Variants in RNPEPL1 observed in about 807,000 individuals in gnomAD.
The protein encoded by RNPEPL1 is aminopeptidase RNPEPL1.
RNPEPL1 carries 46 observed loss-of-function variants against 69.0 expected under a neutral mutation model. The ratio of observed to expected loss-of-function variants is 0.67; its 90% CI spans 0.53 to 0.85. The LOEUF is 0.85. Ranked by LOEUF, RNPEPL1 falls within the 40% of genes least tolerant of loss-of-function variation. The pLI is 0.00. For synonymous variants in RNPEPL1, 525 were observed against 454.1 expected, an observed-to-expected ratio of 1.16 and a Z score of -1.98; for missense variants, 869 against 992.5, an observed-to-expected ratio of 0.88 and a Z score of 1.67.
rs574682303 is a variant in RNPEPL1 at position 240,573,877 on chromosome 2, C to A, written c.924C>A (p.Pro308=). 2.5e-6 allele frequency: 4 copies of A among 1,574,302 alleles called. No homozygotes were observed. Among genetic ancestry groups the A allele is most frequent in the African/African-American group, 2.7e-5 (2 of 74,004 alleles). ...WLSAAERLYG[P]YMWGRYDIVF... The stretch of plus-strand genomic sequence containing the variant: ...GTGCAGCTGAGCGGCTGTATGGGCC[C>A]TACATGTGGGGCAGGTAGGCCCCGG... Residue 308 remains proline, a synonymous_variant, in exon 4 of 11, where the codon CCC becomes CCA. Transcript: ENST00000270357.
chr2:240,572,605 C>T lies in RNPEPL1; in HGVS notation c.669+42C>T, dbSNP rs766862579. Reference sequence around the variant, plus strand: ...TGCCGTCACCTTGCTCCCAGGACAGCCCAGTGGCCTGGCCACGCCGCCTCC... The same window carrying T: ...TGCCGTCACCTTGCTCCCAGGACAGTCCAGTGGCCTGGCCACGCCGCCTCC... On this transcript the variant is annotated intron_variant, in intron 2 of 10. Coordinates refer to ENST00000270357, the MANE Select transcript of RNPEPL1 (RefSeq NM_018226.6). The T allele has an allele frequency of 1.9e-5, 29 of 1,533,736 alleles. No homozygotes were observed. The Middle Eastern group carries it at 5.0e-4, about 26-fold the overall frequency.
intron 1 of RNPEPL1, among the ~76,000 whole-genome samples, chr2:240,571,632 G>C (rs1183774566): frequency 2.0e-5 from 3 of 151,826 alleles, no homozygotes; most frequent in Admixed American, 6.6e-5. Context: ...TGGGGCTGGG[G>C]CCTGGCCTCG....
chr2:240,568,705 G>A lies in RNPEPL1; in HGVS notation c.119G>A (p.Arg40His). ...TCGGCCTCCAGCGCGCAGCTCTTCCGCCTCCGCCACCTGCAGCTGGGCCTG... is the reference window on the plus strand; with the variant it reads ...TCGGCCTCCAGCGCGCAGCTCTTCCACCTCCGCCACCTGCAGCTGGGCCTG... ...VASASSAQLFRLRHLQLGLEL... is the reference protein window; with the variant it reads ...VASASSAQLFHLRHLQLGLEL... The change falls in exon 1 of 11, where the codon CGC becomes CAC. Residue 40 changes from arginine (R) to histidine (H), a missense_variant. Physicochemically the swap from Arg to His is conservative, Grantham distance 29 (BLOSUM62 0). Around this residue, in one of 2 missense-constraint regions of RNPEPL1, gnomAD observed 259 missense variants for 201.5 expected, o/e 1.29. Coordinates refer to ENST00000270357, the MANE Select transcript of RNPEPL1 (RefSeq NM_018226.6). This position sits in a 1 kb window ranked among gnomAD's most constrained non-coding sequence, Gnocchi z 6.2. 9.4e-7 allele frequency: 1 copy of A among 1,066,032 alleles called. No homozygotes were observed. The highest frequency in any genetic ancestry group is 1.1e-6 in the Non-Finnish European group (1 of 876,962). 66.0% of individuals were successfully genotyped at this position (1,066,032 alleles called of 1,614,324 possible).
intron 5 of RNPEPL1, 80 bp downstream of exon 5, chr2:240,574,428 T>G: frequency 6.5e-7 from 1 of 1,541,776 alleles, no homozygotes; most frequent in Non-Finnish European, 8.8e-7. Context: ...CTGGCCCCCC[T>G]GCCATGCTGC....
At chr2:240,575,198 C>G in intron 7 of RNPEPL1, 56 bp downstream of exon 7, 1 of 1,378,322 alleles carries the variant, frequency 7.3e-7, no homozygotes, top group Non-Finnish European at 1.0e-6. Flanking sequence ...AGCCCCTCCC[C>G]GGCTCACAGG....
Position 240,579,366 on chromosome 2 carries a change from C to CCCCTG in RNPEPL1, c.*1476_*1477insCTGCC, listed in dbSNP as rs2093047144. ...GGATGCCCCGCCCCTCCCCTCCCCT[C>CCCCTG]CCAAGGACATATGAGTCCCCTCCAG... is the stretch of plus-strand genomic sequence containing the variant. On this transcript the variant is annotated 3_prime_UTR_variant, in exon 11 of 11. Transcript: ENST00000270357. The CCCCTG allele has an allele frequency of 6.6e-6, 1 of 151,986 alleles. No individual in the cohort carries two copies. The highest frequency in any genetic ancestry group is 6.6e-5 in the Admixed American group (1 of 15,210). 9.4% of individuals were successfully genotyped at this position (151,986 alleles called of 1,614,324 possible).
In RNPEPL1 at chr2:240,573,107, C is replaced by G; in HGVS notation, c.670-3C>G. On this transcript the variant is annotated splice_polypyrimidine_tract_variant and splice_region_variant and intron_variant, in intron 2 of 10. Coordinates refer to ENST00000270357, the MANE Select transcript of RNPEPL1 (RefSeq NM_018226.6). ...ACCCGGTCTCAGTCCGGCCTCCTTA[C>G]AGGCGCCATCGGGGGTGCAGGTGCT... 1 of 1,600,912 alleles carries G rather than the reference C, an allele frequency of 6.2e-7. No individual in the cohort carries two copies.
chr2:240,577,881 G>A lies in RNPEPL1; in HGVS notation c.2167G>A (p.Val723Met). The change falls in exon 11 of 11, where the codon GTG becomes ATG. Residue 723 changes from valine (V) to methionine (M), a missense_variant. By Grantham distance (21) the Val-to-Met change is conservative (BLOSUM62 1). Around this residue, in one of 2 missense-constraint regions of RNPEPL1, gnomAD observed 610 missense variants for 790.9 expected, o/e 0.77. Coordinates refer to ENST00000270357, the MANE Select transcript of RNPEPL1 (RefSeq NM_018226.6). ...SSAISLRDVN[V>M]SA ...TGCCATCTCTCTCAGGGACGTCAAT[G>A]TGTCTGCCTAGCCCTGTTGGCGGGC... 6.5e-7 allele frequency: 1 copy of A among 1,531,716 alleles called. No individual in the cohort carries two copies. Among genetic ancestry groups the A allele is most frequent in the Non-Finnish European group, 8.8e-7 (1 of 1,133,632 alleles). 94.9% of individuals were successfully genotyped at this position (1,531,716 alleles called of 1,614,324 possible).
At chr2:240,575,324 C>A in intron 7 of RNPEPL1, 178 bp from the exon 8 acceptor site, 1 of 733,386 alleles carries the variant, frequency 1.4e-6, no homozygotes, top group Non-Finnish European at 2.3e-6. Context: ...CCTTCTGCCA[C>A]CCTGTTTGCT....
At position 240,579,681 on chromosome 2, in the gene RNPEPL1, C is replaced by T. The variant is rs1011310822; in HGVS notation, c.*1789C>T. 6.6e-6 allele frequency: 1 copy of T among 152,240 alleles called. No homozygotes were observed. Among genetic ancestry groups the T allele is most frequent in the African/African-American group, 2.4e-5 (1 of 41,450 alleles). 9.4% of individuals were successfully genotyped at this position (152,240 alleles called of 1,614,324 possible). A position where few individuals can be genotyped will look rare whatever the true frequency, so the allele number is the denominator to read the frequency against. On this transcript the variant is annotated 3_prime_UTR_variant, in exon 11 of 11. Coordinates refer to ENST00000270357, the MANE Select transcript of RNPEPL1 (RefSeq NM_018226.6). ...ACACCCCACTCCCCCAAGTCATGTTCTCTGTGGCCTGGGGCTCCAGCCTTG... is the reference window on the plus strand; with the variant it reads ...ACACCCCACTCCCCCAAGTCATGTTTTCTGTGGCCTGGGGCTCCAGCCTTG...
intron 1 of RNPEPL1, among the ~76,000 whole-genome samples, chr2:240,572,049 A>T (rs57857653): frequency 0.063 from 9,628 of 152,310 alleles, 358 homozygotes; most frequent in Middle Eastern, 0.19. Flanking sequence ...ATTTGGACTG[A>T]GTGTGTCCCT....
intron 8 of RNPEPL1, chr2:240,575,857 G>C (rs766519093): frequency 1.9e-6 from 1 of 535,976 alleles, no homozygotes; most frequent in Non-Finnish European, 3.4e-6. Context: ...CCCAGGAAGC[G>C]GGCCATGGAA....
At chr2:240,574,479 C>G (rs769877206) in intron 5 of RNPEPL1, 36 bp from the exon 6 acceptor site, 2 of 1,580,882 alleles carry the variant, frequency 1.3e-6, no homozygotes, top group African/African-American at 2.7e-5. Context: ...ACCCCTACAC[C>G]CCCTCACCTC....
intron 1 of RNPEPL1, among the ~76,000 whole-genome samples, chr2:240,570,302 T>C (rs773155646): frequency 1.6e-4 from 24 of 152,338 alleles, no homozygotes; most frequent in Admixed American, 5.9e-4. Flanking sequence ...TGGCTTCCTA[T>C]GGCCTACTGG....
In RNPEPL1 at chr2:240,580,729, A is replaced by G. The variant is rs761174617; in HGVS notation, c.*2837A>G. The G allele has an allele frequency of 4.1e-4, 62 of 152,322 alleles. No homozygotes were observed. The highest frequency in any genetic ancestry group is 1.2e-3 in the African/African-American group (49 of 41,566). 9.4% of individuals were successfully genotyped at this position (152,322 alleles called of 1,614,324 possible). A position where few individuals can be genotyped will look rare whatever the true frequency, so the allele number is the denominator to read the frequency against. ...GCAGATGGCAAACAGCACTAATGACAACGACGGAGCTGAGGCCAGAATGTG... is the reference window on the plus strand; with the variant it reads ...GCAGATGGCAAACAGCACTAATGACGACGACGGAGCTGAGGCCAGAATGTG... On this transcript the variant is annotated 3_prime_UTR_variant, in exon 11 of 11. Transcript: ENST00000270357.
chr2:240,574,934 C>A, intron 6 of RNPEPL1, 96 bp from the exon 7 acceptor site: 1 of 936,766 alleles, frequency 1.1e-6, no homozygotes, highest in Non-Finnish European at 1.8e-6. Flanking sequence ...TGGCGCTTGG[C>A]CCTTGCTGCT....
chr2:240,572,759 A>G (rs1000684795), intron 2 of RNPEPL1, among the ~76,000 whole-genome samples, 196 bp downstream of exon 2: 2 of 152,166 alleles, frequency 1.3e-5, no homozygotes, highest in African/African-American at 2.4e-5. Context: ...GCTGCCTCCA[A>G]CGGGCCTGAG....
chr2:240,577,580 C>G lies in RNPEPL1; in HGVS notation c.1885-19C>G, dbSNP rs1255009978. 1 of 1,541,024 alleles carries G rather than the reference C, an allele frequency of 6.5e-7. No homozygotes were observed. The highest frequency in any genetic ancestry group is 2.3e-5 in the East Asian group (1 of 43,846). On this transcript the variant is annotated intron_variant, in intron 10 of 10. Transcript: ENST00000270357. ...GGGCCTGGGGAGCCCACCAGTGTGA[C>G]CGAGTGCCCCTCCTGCAGATGTCAC...
chr2:240,572,835 C>T (rs1039257321), intron 2 of RNPEPL1, among the ~76,000 whole-genome samples: 2 of 152,244 alleles, frequency 1.3e-5, no homozygotes, highest in African/African-American at 4.8e-5. Context: ...CAAGGGGTCT[C>T]CCGACAGAGC....
Sources: allele counts gnomAD v4.1 joint callset (sites outside exome capture counted in the v4.1 genomes callset), GRCh38; gene constraint gnomAD v4.1.1; regional missense constraint gnomAD v4.1.1; non-coding constraint Gnocchi (gnomAD v3.1); transcripts MANE v1.5; gene names NCBI Gene and HGNC (gene_info 2026-07-23, HGNC 2026-07-21).